Variants in TIAM1 observed in about 807,000 individuals in gnomAD.
The protein encoded by TIAM1 is TIAM Rac1 associated GEF 1.
In TIAM1, 65 loss-of-function variants were observed where a neutral mutation model predicts 163.5. The ratio of observed to expected loss-of-function variants is 0.40; its 90% CI spans 0.33 to 0.49. TIAM1 has a LOEUF of 0.49. Ranked by LOEUF, TIAM1 falls within the 20% of genes least tolerant of loss-of-function variation. TIAM1 has a pLI of 0.77. For synonymous variants in TIAM1, 833 were observed against 810.1 expected (o/e 1.03, Z -0.48); for missense variants, 1,789 against 2,044.7 (o/e 0.87, Z 2.41).
chr21:31,419,492 A>T (rs2043490267), intron 2 of TIAM1, among the ~76,000 whole-genome samples: 1 of 152,214 alleles, frequency 6.6e-6, no homozygotes, highest in Non-Finnish European at 1.5e-5. Flanking sequence ...CAACACTTAC[A>T]AGTGAGCTGT....
Position 31,120,731 on chromosome 21 carries a change from G to A in TIAM1, c.4413C>T (p.Ser1471=). ...AVSASSPEKE[S]QQPPGGGDTD... Reference sequence around the variant, plus strand: ...TGTCCCCACCACCGGGGGGCTGCTGGGACTCTTTCTCCGGGCTGCTTGCGG... The same window carrying A: ...TGTCCCCACCACCGGGGGGCTGCTGAGACTCTTTCTCCGGGCTGCTTGCGG... Residue 1471 remains serine (S), a synonymous_variant, in exon 28 of 28, where the codon TCC becomes TCT. Coordinates refer to ENST00000541036, the MANE Select transcript of TIAM1 (RefSeq NM_001353694.2). The surrounding 1 kb of genome is among the most constrained non-coding windows in gnomAD (Gnocchi z 4.2). The A allele has an allele frequency of 6.2e-7, 1 of 1,613,966 alleles. No homozygotes were observed. Among genetic ancestry groups the A allele is most frequent in the Non-Finnish European group, 8.5e-7 (1 of 1,179,998 alleles).
intron 23 of TIAM1, among the ~76,000 whole-genome samples, chr21:31,135,166 T>C (rs1475354646): frequency 6.6e-6 from 1 of 152,164 alleles, no homozygotes; most frequent in South Asian, 2.1e-4. Flanking sequence ...AACAAAAGCA[T>C]GGAGTGTTGA....
At chr21:31,535,721 C>A (rs556570675) in intron 1 of TIAM1, among the ~76,000 whole-genome samples, 72 of 147,124 alleles carry the variant, frequency 4.9e-4, no homozygotes, top group Non-Finnish European at 5.7e-4. Flanking sequence ...ACACTCTATA[C>A]CTTCCCATGG....
chr21:31,505,783 T>A (rs1019032790), intron 1 of TIAM1, among the ~76,000 whole-genome samples: 18 of 152,196 alleles, frequency 1.2e-4, no homozygotes, highest in African/African-American at 3.6e-4. Flanking sequence ...AGCGGGCGGA[T>A]CACCTGAGGT....
chr21:31,339,511 C>T (rs1418776663), intron 1 of TIAM1, 89 bp from the exon 2 acceptor site: 6 of 397,356 alleles, frequency 1.5e-5, no homozygotes, highest in South Asian at 1.3e-4. Flanking sequence ...GAAACATTAA[C>T]GTGATAACAC....
At chr21:31,506,188 G>A (rs1433125615) in intron 1 of TIAM1, among the ~76,000 whole-genome samples, 1 of 150,712 alleles carries the variant, frequency 6.6e-6, no homozygotes, top group Non-Finnish European at 1.5e-5. Context: ...ACCTACACAG[G>A]CTCCCTCCCC....
chr21:31,497,356 T>C (rs776173008), intron 1 of TIAM1, among the ~76,000 whole-genome samples: 1 of 152,210 alleles, frequency 6.6e-6, no homozygotes, highest in African/African-American at 2.4e-5. Flanking sequence ...CAAATAGTTA[T>C]AAGAGTAAGG....
chr21:31,294,158 C>A (rs934187698), intron 2 of TIAM1, among the ~76,000 whole-genome samples: 1 of 152,178 alleles, frequency 6.6e-6, no homozygotes, highest in African/African-American at 2.4e-5. Flanking sequence ...GCATGAAAGG[C>A]CAGCAGTGGG....
At position 31,137,292 on chromosome 21, in the gene TIAM1, C is replaced by T. The variant is rs2082658079; in HGVS notation, c.3775-1251G>A. 2.6e-5 allele frequency among the ~76,000 whole-genome samples: 4 copies of T among 152,324 alleles called. No homozygotes were observed. In the South Asian group the frequency reaches 8.3e-4, roughly 32 times the overall value. On this transcript the variant is annotated intron_variant, in intron 22 of 27. Coordinates refer to ENST00000541036, the MANE Select transcript of TIAM1 (RefSeq NM_001353694.2). ...AGTACAGGATACAGAGGTATTGTTG[C>T]CTCCCTTGATTGAAATTATTATAAT... is the stretch of plus-strand genomic sequence containing the variant.
At chr21:31,531,511 T>C (rs1360105137) in intron 1 of TIAM1, among the ~76,000 whole-genome samples, 1 of 152,094 alleles carries the variant, frequency 6.6e-6, no homozygotes, top group Non-Finnish European at 1.5e-5. Context: ...TAAACACATA[T>C]TTCTCTTGAC....
intron 2 of TIAM1, among the ~76,000 whole-genome samples, chr21:31,408,460 G>A (rs1257786421): frequency 6.6e-6 from 1 of 152,108 alleles, no homozygotes; most frequent in Non-Finnish European, 1.5e-5. Flanking sequence ...CAGCTAAAAG[G>A]ATTCAAAATT....
chr21:31,228,956 T>C (rs2088228534), intron 6 of TIAM1, among the ~76,000 whole-genome samples: 1 of 152,112 alleles, frequency 6.6e-6, no homozygotes, highest in African/African-American at 2.4e-5. Context: ...TAGTGAGAAC[T>C]CACTCACTTT....
At chr21:31,454,030 C>T (rs1442930810) in intron 2 of TIAM1, among the ~76,000 whole-genome samples, 2 of 152,194 alleles carry the variant, frequency 1.3e-5, no homozygotes, top group African/African-American at 2.4e-5. Flanking sequence ...CTATAAATGC[C>T]TACCCTGACC....
At chr21:31,235,148 G>C (rs1475651320) in intron 6 of TIAM1, among the ~76,000 whole-genome samples, 2 of 152,126 alleles carry the variant, frequency 1.3e-5, no homozygotes, top group Non-Finnish European at 2.9e-5. Flanking sequence ...AATGTGCCAG[G>C]GGAGGGCAGG....
intron 2 of TIAM1, among the ~76,000 whole-genome samples, chr21:31,434,407 G>A (rs1322820291): frequency 6.6e-6 from 1 of 152,198 alleles, no homozygotes; most frequent in African/African-American, 2.4e-5. Flanking sequence ...AGAATCTGTG[G>A]TGCCCTGGAG....
rs1272082910 is a variant in TIAM1, at chr21:31,266,804, G to C, written c.169C>G (p.Arg57Gly). Residue 57 changes from arginine to glycine, a missense_variant, in exon 4 of 28, where the codon CGA (arginine) becomes GGA (glycine). Coordinates refer to ENST00000541036, the MANE Select transcript of TIAM1 (RefSeq NM_001353694.2). The part of the protein sequence containing the change: ...VIHRNSEVST[R>G]SSSTPSIPQS... ...GGGATGCTGGGGGTGCTGCTGGATCGGGTGCTCACTTCGGAGTTCCTGTGG... is the reference window on the plus strand; with the variant it reads ...GGGATGCTGGGGGTGCTGCTGGATCCGGTGCTCACTTCGGAGTTCCTGTGG... 2 of 1,614,100 alleles carry C rather than the reference G, an allele frequency of 1.2e-6. No homozygotes were observed. The highest frequency in any genetic ancestry group is 3.3e-5 in the Admixed American group (2 of 60,008).
intron 2 of TIAM1, among the ~76,000 whole-genome samples, chr21:31,361,066 A>G (rs757839742): frequency 5.3e-5 from 8 of 152,216 alleles, no homozygotes; most frequent in Non-Finnish European, 1.0e-4. Context: ...GTATCTCCAA[A>G]AAAAGTCCAT....
chr21:31,430,237 T>A (rs1333714836), intron 2 of TIAM1, among the ~76,000 whole-genome samples: 18 of 131,692 alleles, frequency 1.4e-4, no homozygotes, highest in African/African-American at 5.5e-4. Flanking sequence ...TATATATATA[T>A]ATATATATAT....
At chr21:31,476,044 C>T (rs1365290002) in intron 1 of TIAM1, among the ~76,000 whole-genome samples, 2 of 152,216 alleles carry the variant, frequency 1.3e-5, no homozygotes, top group Admixed American at 1.3e-4. Context: ...GAATATAAAT[C>T]ATCTTCAATT....
Sources: gnomAD v4.1 joint callset for allele counts (sites outside exome capture counted in the v4.1 genomes callset) on GRCh38, gnomAD v4.1.1 for gene constraint, Gnocchi (gnomAD v3.1) non-coding constraint, MANE v1.5 for transcripts, NCBI Gene and HGNC (gene_info 2026-07-23, HGNC 2026-07-21) for gene names.